ME1: variants seen among roughly 807,000 people sequenced by gnomAD.
ME1 encodes the protein NADP-dependent malic enzyme.
Under a neutral mutation model 66.4 loss-of-function variants are expected in ME1, and 74 were observed. That is an observed-to-expected ratio of 1.11 (90% CI 0.92 to 1.35). The LOEUF (loss-of-function observed/expected upper bound fraction) is 1.35, where lower values mean the gene tolerates loss of function less well. ME1 is among the 40% of genes most tolerant of loss of function. The pLI is 0.00. For missense variants in ME1, 750 were observed against 694.1 expected, an observed-to-expected ratio of 1.08 and a Z score of -0.90; for synonymous variants, 251 against 235.6, an observed-to-expected ratio of 1.07 and a Z score of -0.60.
intron 5 of ME1, among the ~76,000 whole-genome samples, chr6:83,344,109 TAAA>T (rs561027558): frequency 1.6e-5 from 2 of 126,844 alleles, no homozygotes; most frequent in Non-Finnish European, 3.4e-5. Flanking sequence ...AGACCCCGTC[TAAA>T]AAAAAAAAAA....
At chr6:83,345,633 CTA>C (rs1239481355) in intron 5 of ME1, among the ~76,000 whole-genome samples, 5 of 151,856 alleles carry the variant, frequency 3.3e-5, no homozygotes, top group African/African-American at 1.2e-4. Flanking sequence ...TCAGAGAATT[CTA>C]TGTTTAACTT....
chr6:83,383,113 T>A (rs1005603009), intron 3 of ME1, among the ~76,000 whole-genome samples: 1 of 151,742 alleles, frequency 6.6e-6, no homozygotes, highest in African/African-American at 2.4e-5. Flanking sequence ...TTAAAATGTA[T>A]ACACACATAC....
At chr6:83,283,790 A>C (rs985058434) in intron 6 of ME1, among the ~76,000 whole-genome samples, 16 of 152,200 alleles carry the variant, frequency 1.1e-4, no homozygotes, top group African/African-American at 3.9e-4. Flanking sequence ...ATTTGGAAAG[A>C]TCTCAAATTA....
intron 2 of ME1, among the ~76,000 whole-genome samples, chr6:83,401,858 C>G (rs1769846954): frequency 6.6e-6 from 1 of 152,226 alleles, no homozygotes; most frequent in African/African-American, 2.4e-5. Context: ...AGCTAGCTAC[C>G]TGGTGGCAAG....
chr6:83,289,667 C>G (rs968878454), intron 6 of ME1, among the ~76,000 whole-genome samples: 1 of 152,108 alleles, frequency 6.6e-6, no homozygotes, highest in Non-Finnish European at 1.5e-5. Context: ...AGGGAGGATT[C>G]CCTTTTTTCT....
intron 3 of ME1, 26 bp from the exon 4 acceptor site, chr6:83,352,165 A>G: frequency 1.5e-6 from 2 of 1,305,182 alleles, no homozygotes; most frequent in Middle Eastern, 2.0e-4. Context: ...AAAAAAAAGG[A>G]GTAGTTTACA....
At chr6:83,376,519 G>T (rs1005318177) in intron 3 of ME1, among the ~76,000 whole-genome samples, 6 of 150,742 alleles carry the variant, frequency 4.0e-5, no homozygotes, top group Non-Finnish European at 7.4e-5. Context: ...GAAAAAAAGA[G>T]GCCGGGTGCA....
intron 6 of ME1, among the ~76,000 whole-genome samples, chr6:83,292,706 G>T (rs1767526647): frequency 6.6e-6 from 1 of 152,194 alleles, no homozygotes; most frequent in African/African-American, 2.4e-5. Flanking sequence ...GCTGCCTTTT[G>T]TTCAGATATG....
intron 3 of ME1, among the ~76,000 whole-genome samples, chr6:83,392,094 AT>A (rs1355238476): frequency 6.6e-6 from 1 of 152,248 alleles, no homozygotes; most frequent in African/African-American, 2.4e-5. Context: ...CTCTCAAAAA[AT>A]AATTGTTGCA....
rs143139470 is a variant in ME1 at position 83,402,629 on chromosome 6, T to C, written c.213-4113A>G. Among the ~76,000 whole-genome samples the C allele has an allele frequency of 8.7e-3, 1,319 of 152,270 alleles. 18 individuals carry two copies. The highest frequency in any genetic ancestry group is 0.03 in the African/African-American group (1,236 of 41,544). On this transcript the variant is annotated intron_variant, in intron 2 of 13. Coordinates refer to ENST00000369705, the MANE Select transcript of ME1 (RefSeq NM_002395.6). The stretch of plus-strand genomic sequence containing the variant: ...ACTACAGTGGAGGCGGGAAAGAGTA[T>C]GTCTGAAATACAGGAGACCCCTTAG...
At chr6:83,256,935 A>G (rs1766783651) in intron 6 of ME1, among the ~76,000 whole-genome samples, 1 of 152,076 alleles carries the variant, frequency 6.6e-6, no homozygotes, top group African/African-American at 2.4e-5. Context: ...GCAAACTAAC[A>G]CAAGAAGAGA....
intron 1 of ME1, among the ~76,000 whole-genome samples, chr6:83,414,178 CA>C (rs1770115446): frequency 6.7e-6 from 1 of 149,650 alleles, no homozygotes; most frequent in African/African-American, 2.5e-5. Flanking sequence ...ATTTCCCCCC[CA>C]AAAAAAATCA....
intron 6 of ME1, among the ~76,000 whole-genome samples, chr6:83,292,374 C>T (rs1407699258): frequency 1.3e-5 from 2 of 152,182 alleles, no homozygotes; most frequent in Admixed American, 6.5e-5. Context: ...AACAGACAGG[C>T]CCCTCAGCTG....
At chr6:83,237,617 T>A (rs986130885) in intron 9 of ME1, 100 bp downstream of exon 9, 7 of 590,900 alleles carry the variant, frequency 1.2e-5, no homozygotes, top group African/African-American at 5.6e-5. Flanking sequence ...ACTCTTTTAA[T>A]ATAGTGTAAA....
intron 6 of ME1, among the ~76,000 whole-genome samples, chr6:83,275,124 A>C (rs1373960511): frequency 6.6e-6 from 1 of 152,098 alleles, no homozygotes; most frequent in Non-Finnish European, 1.5e-5. Context: ...ACAGGAGGTA[A>C]GGAGTTCAAG....
At chr6:83,427,673 T>C (rs1240015400) in intron 1 of ME1, among the ~76,000 whole-genome samples, 2 of 152,048 alleles carry the variant, frequency 1.3e-5, no homozygotes, top group East Asian at 1.9e-4. Context: ...CTGTACTAAA[T>C]ATTGTGACTC....
chr6:83,369,373 C>A (rs1769153182), intron 3 of ME1, among the ~76,000 whole-genome samples: 1 of 152,036 alleles, frequency 6.6e-6, no homozygotes, highest in Admixed American at 6.6e-5. Context: ...AGGGTTTTGG[C>A]CTAACAGATT....
intron 4 of ME1, among the ~76,000 whole-genome samples, chr6:83,350,473 G>GT (rs1236894135): frequency 5.9e-5 from 9 of 151,736 alleles, no homozygotes; most frequent in South Asian, 2.1e-4. Context: ...TTGTTTGTTT[G>GT]TTTTTTTTCT....
intron 6 of ME1, among the ~76,000 whole-genome samples, chr6:83,262,587 A>G (rs1293024610): frequency 6.6e-6 from 1 of 152,210 alleles, no homozygotes; most frequent in Admixed American, 6.5e-5. Flanking sequence ...TTCTATGAAC[A>G]CTAAGGGTCA....
Sources: allele counts gnomAD v4.1 joint callset (sites outside exome capture counted in the v4.1 genomes callset), GRCh38; gene constraint gnomAD v4.1.1; transcripts MANE v1.5; gene names NCBI Gene and HGNC (gene_info 2026-07-23, HGNC 2026-07-21).